DHX40: variants seen among roughly 807,000 people sequenced by gnomAD.
DHX40 encodes the protein probable ATP-dependent RNA helicase DHX40.
Under a neutral mutation model 89.6 loss-of-function variants are expected in DHX40, and 28 were observed. The observed-to-expected ratio is 0.31, with a 90% CI of 0.23 to 0.43. The LOEUF is 0.43. Ranked by LOEUF, DHX40 falls within the 20% of genes least tolerant of loss-of-function variation. The pLI, the probability that DHX40 is intolerant of heterozygous loss-of-function variation, is 1.00. For synonymous variants in DHX40, 226 were observed against 283.6 expected (o/e 0.80, Z 2.04); for missense variants, 457 against 844.0 (o/e 0.54, Z 5.68).
intron 10 of DHX40, among the ~76,000 whole-genome samples, chr17:59,580,911 G>A (rs1247438650): frequency 9.9e-5 from 15 of 151,210 alleles, no homozygotes; most frequent in African/African-American, 1.5e-4. Context: ...GCAAAACCCC[G>A]TAGCTACTGA....
intron 12 of DHX40, among the ~76,000 whole-genome samples, 189 bp downstream of exon 12, chr17:59,588,242 C>CAAAAAG (rs1198855530): frequency 7.3e-6 from 1 of 136,644 alleles, no homozygotes; most frequent in African/African-American, 3.0e-5. Context: ...AAAAAAAAAA[C>CAAAAAG]CAAAAACAAA....
intron 4 of DHX40, 21 bp from the exon 5 acceptor site, chr17:59,573,719 A>G (rs545295805): frequency 1.2e-6 from 2 of 1,612,934 alleles, no homozygotes; most frequent in Admixed American, 3.3e-5. Context: ...GTGACTTACT[A>G]GAAATTTACT....
chr17:59,574,569 A>G (rs1327021244), intron 6 of DHX40, among the ~76,000 whole-genome samples: 2 of 150,542 alleles, frequency 1.3e-5, no homozygotes, highest in East Asian at 1.9e-4. Flanking sequence ...ACACACACAT[A>G]TATGTCAAAT....
At chr17:59,571,707 C>T (rs2048812024) in intron 3 of DHX40, among the ~76,000 whole-genome samples, 1 of 151,806 alleles carries the variant, frequency 6.6e-6, no homozygotes, top group Non-Finnish European at 1.5e-5. Flanking sequence ...TCTCCTGCCT[C>T]AGCCTCCCAA....
chr17:59,602,678 G>C (rs2030605755), intron 15 of DHX40, 62 bp downstream of exon 15: 3 of 1,316,438 alleles, frequency 2.3e-6, no homozygotes, highest in African/African-American at 1.5e-5. Context: ...TATAATATTG[G>C]ACTATTTAAT....
At chr17:59,591,635 A>C in intron 12 of DHX40, among the ~76,000 whole-genome samples, 1 of 151,070 alleles carries the variant, frequency 6.6e-6, no homozygotes, top group Non-Finnish European at 1.5e-5. Flanking sequence ...ATAGCAAAGG[A>C]ATTCCTTTAT....
intron 1 of DHX40, among the ~76,000 whole-genome samples, chr17:59,566,088 C>G (rs536705712): frequency 2.0e-5 from 3 of 152,284 alleles, no homozygotes; most frequent in East Asian, 3.9e-4. Flanking sequence ...TCATCCCCCC[C>G]ACCCTTCGTC....
intron 17 of DHX40, 66 bp from the exon 18 acceptor site, chr17:59,606,967 C>G: frequency 7.1e-7 from 1 of 1,414,808 alleles, no homozygotes; most frequent in South Asian, 1.3e-5. Context: ...GCTTCTCTTT[C>G]TCTTAACATT....
intron 10 of DHX40, among the ~76,000 whole-genome samples, chr17:59,581,109 A>G (rs1161845639): frequency 6.7e-6 from 1 of 149,952 alleles, no homozygotes; most frequent in Admixed American, 6.6e-5. Flanking sequence ...ACAAAAGGGT[A>G]TACAGTTGGA....
chr17:59,565,806 G>C (rs1033440206), intron 1 of DHX40, 23 bp downstream of exon 1: 5 of 1,578,326 alleles, frequency 3.2e-6, no homozygotes, highest in East Asian at 2.3e-5. Flanking sequence ...GGACGGTACG[G>C]AAGCCAGCGG....
chr17:59,603,542 G>A (rs1005128278), intron 15 of DHX40: 2 of 152,122 alleles, frequency 1.3e-5, no homozygotes, highest in Admixed American at 1.3e-4. Context: ...AGCATGAAGA[G>A]GCCCCAAGTA....
chr17:59,589,215 A>ATTTTT (rs1209554990), intron 12 of DHX40, among the ~76,000 whole-genome samples: 50 of 89,342 alleles, frequency 5.6e-4, no homozygotes, highest in African/African-American at 9.3e-4. Flanking sequence ...ACTTGCTGGG[A>ATTTTT]TTTTTTTTTT....
intron 12 of DHX40, among the ~76,000 whole-genome samples, chr17:59,596,638 C>T (rs1348651834): frequency 6.6e-6 from 1 of 152,166 alleles, no homozygotes; most frequent in Non-Finnish European, 1.5e-5. Context: ...TCATTTATAT[C>T]TTTTCCTTAC....
chr17:59,570,689 T>C, intron 3 of DHX40, 26 bp downstream of exon 3: 1 of 1,591,218 alleles, frequency 6.3e-7, no homozygotes, highest in East Asian at 2.3e-5. Context: ...TGGTATTTGT[T>C]TCTTTTCTTT....
chr17:59,604,280 G>C (rs996596291), intron 15 of DHX40: 1 of 152,080 alleles, frequency 6.6e-6, no homozygotes, highest in African/African-American at 2.4e-5. Context: ...AATGATTCAG[G>C]TAAAAATTTT....
chr17:59,574,932 C>T (rs1160529738), intron 6 of DHX40, among the ~76,000 whole-genome samples: 1 of 152,174 alleles, frequency 6.6e-6, no homozygotes, highest in African/African-American at 2.4e-5. Context: ...CCTTGTTTAC[C>T]TTTTTCCTCT....
rs2048845858 is a variant in DHX40 at position 59,573,908 on chromosome 17, G to A, written c.715G>A (p.Glu239Lys). 2 of 1,604,772 alleles carry A rather than the reference G, an allele frequency of 1.2e-6. No homozygotes were observed. The highest frequency in any genetic ancestry group is 4.5e-5 in the East Asian group (2 of 44,582). ...DIPGRLYPVR[E>K]KFCNLIGPRD... Reference sequence around the variant, plus strand: ...ACCTGGAAGGCTTTATCCAGTCAGAGAGAAATTCTGCAATTTGATTGGTCC... The same window carrying A: ...ACCTGGAAGGCTTTATCCAGTCAGAAAGAAATTCTGCAATTTGATTGGTCC... Residue 239 changes from glutamate to lysine, a missense_variant, in exon 5 of 18, where the codon GAG (glutamate) becomes AAG (lysine). This residue lies in a region of DHX40 where 116 missense variants were observed against 188.9 expected (regional missense o/e 0.61). Coordinates refer to ENST00000251241, the MANE Select transcript of DHX40 (RefSeq NM_024612.5).
intron 12 of DHX40, among the ~76,000 whole-genome samples, chr17:59,598,103 T>C (rs1474320320): frequency 2.0e-5 from 3 of 152,036 alleles, no homozygotes; most frequent in Non-Finnish European, 4.4e-5. Context: ...CTGGGCTCAA[T>C]TGATCCACTT....
rs962346689 is a variant in DHX40 at position 59,569,707 on chromosome 17, A to C, written c.281-811A>C. ...TCTCAAAAAAGAAAAAAATATATAT[A>C]TATCTATATATATATATAGATATAT... On this transcript the variant is annotated intron_variant, in intron 2 of 17. Coordinates refer to ENST00000251241, the MANE Select transcript of DHX40 (RefSeq NM_024612.5). Among the ~76,000 whole-genome samples the C allele has an allele frequency of 2.8e-5, 4 of 140,904 alleles. No homozygotes were observed. The East Asian group carries it at 5.9e-4, about 21-fold the overall frequency. The allele number at this position is 140,904 out of a possible 152,430, so 92.4% of individuals were successfully genotyped here. A position where few individuals can be genotyped will look rare whatever the true frequency, so the allele number is the denominator to read the frequency against.
Sources: gnomAD v4.1 joint callset for allele counts (sites outside exome capture counted in the v4.1 genomes callset) on GRCh38, gnomAD v4.1.1 for gene constraint, gnomAD v4.1.1 regional missense constraint, MANE v1.5 for transcripts, NCBI Gene and HGNC (gene_info 2026-07-23, HGNC 2026-07-21) for gene names.